The following NUP210L variants were observed in gnomAD, a reference collection of about 807,000 sequenced individuals.
NUP210L encodes nucleoporin 210 like.
In NUP210L, 74 loss-of-function variants were observed where a neutral mutation model predicts 208.5. That is an observed-to-expected ratio of 0.35 (90% CI 0.29 to 0.43). The LOEUF (loss-of-function observed/expected upper bound fraction) is 0.43. Among genes scored for constraint, NUP210L ranks in the 20% least tolerant of loss-of-function variants. The probability of loss-of-function intolerance (pLI) is 1.00; values close to 1 mark genes in which losing one functional copy is unlikely to be tolerated. For missense variants in NUP210L, 1,843 were observed against 2,289.4 expected, an observed-to-expected ratio of 0.81 and a Z score of 3.98; for synonymous variants, 780 against 816.9, an observed-to-expected ratio of 0.95 and a Z score of 0.77.
chr1:154,139,811 T>C, exon 5 of NUP210L: 1 of 1,612,590 alleles, frequency 6.2e-7, no homozygotes, highest in Non-Finnish European at 8.5e-7. Flanking sequence ...CCTTATAGAA[T>C]GGTTCATGAA....
At chr1:154,111,043 A>C (rs1228701459) in intron 12 of NUP210L, among the ~76,000 whole-genome samples, 2 of 151,084 alleles carry the variant, frequency 1.3e-5, no homozygotes, top group Non-Finnish European at 1.5e-5. Flanking sequence ...ACAAACCTTT[A>C]GCCAGACTAA....
intron 37 of NUP210L, chr1:153,995,786 G>A: frequency 1.5e-6 from 1 of 658,470 alleles, no homozygotes; most frequent in Non-Finnish European, 2.8e-6. Context: ...TGCCCAGGCA[G>A]ACTTCAAGGG....
At chr1:154,112,259 G>T (rs943810873) in intron 12 of NUP210L, among the ~76,000 whole-genome samples, 2 of 151,992 alleles carry the variant, frequency 1.3e-5, no homozygotes, top group Non-Finnish European at 2.9e-5. Flanking sequence ...AATCATTAAT[G>T]GCCAGACAGA....
rs1028953644 is a variant in NUP210L, at chr1:153,995,004, T to G, written c.5491+72A>C. ...TCCAGCGTGGGCGACAGACTTAAACTCCATCTCAAAAAAAAAAAAAAAAAG... is the reference window on the plus strand; with the variant it reads ...TCCAGCGTGGGCGACAGACTTAAACGCCATCTCAAAAAAAAAAAAAAAAAG... On this transcript the variant is annotated intron_variant, in intron 38 of 39. Coordinates refer to ENST00000368559, the Ensembl canonical transcript of NUP210L. The G allele has an allele frequency of 3.1e-6, 3 of 963,270 alleles. No individual in the cohort carries two copies. In the Admixed American group the frequency reaches 7.2e-5, roughly 23 times the overall value. 59.7% of individuals were successfully genotyped at this position (963,270 alleles called of 1,614,324 possible). A position where few individuals can be genotyped will look rare whatever the true frequency, so the allele number is the denominator to read the frequency against.
chr1:154,127,119 A>T (rs1443442319), intron 9 of NUP210L, among the ~76,000 whole-genome samples, 192 bp downstream of exon 9: 3 of 151,878 alleles, frequency 2.0e-5, no homozygotes, highest in Admixed American at 6.6e-5. Context: ...AAAAAAAAAA[A>T]AAAAAGAAGA....
At chr1:154,023,503 A>C (rs1271740272) in intron 30 of NUP210L, among the ~76,000 whole-genome samples, 1 of 152,052 alleles carries the variant, frequency 6.6e-6, no homozygotes. Context: ...TTTGAGACAG[A>C]ATCTCACTCT....
At chr1:154,027,036 T>C (rs937236546) in intron 29 of NUP210L, among the ~76,000 whole-genome samples, 7 of 140,352 alleles carry the variant, frequency 5.0e-5, no homozygotes, top group African/African-American at 1.9e-4. Context: ...TGAGCTGAGA[T>C]TGTGCCACTG....
intron 5 of NUP210L, among the ~76,000 whole-genome samples, chr1:154,139,333 T>G (rs1345307595): frequency 2.6e-5 from 4 of 152,160 alleles, no homozygotes; most frequent in African/African-American, 4.8e-5. Context: ...AGTTATATAT[T>G]TTAAGAGAAA....
chr1:154,114,009 A>G lies in NUP210L; in HGVS notation c.1620+3716T>C, dbSNP rs930591749. 8.0e-5 allele frequency among the ~76,000 whole-genome samples: 12 copies of G among 150,704 alleles called. No individual in the cohort carries two copies. In the East Asian group the frequency reaches 9.8e-4, roughly 12 times the overall value. ...AATACAAAAATTAGCTGGGCGTGGT[A>G]GTGGGCGCCTGTAATCCCAGCTACT... On this transcript the variant is annotated intron_variant, in intron 12 of 39. Coordinates refer to ENST00000368559, the Ensembl canonical transcript of NUP210L.
chr1:153,997,264 T>C (rs1226332769), intron 37 of NUP210L, among the ~76,000 whole-genome samples: 2 of 77,106 alleles, frequency 2.6e-5, no homozygotes, highest in African/African-American at 3.5e-5. Context: ...GCGCTGGCCT[T>C]TTTTTTTTTT....
At chr1:154,066,044 G>A (rs1053155205) in intron 17 of NUP210L, among the ~76,000 whole-genome samples, 1 of 152,036 alleles carries the variant, frequency 6.6e-6, no homozygotes, top group Non-Finnish European at 1.5e-5. Flanking sequence ...ACAACGAAAT[G>A]AAGGCAGAAA....
intron 5 of NUP210L, among the ~76,000 whole-genome samples, chr1:154,139,173 CA>C (rs1658702219): frequency 6.6e-6 from 1 of 151,970 alleles, no homozygotes; most frequent in Admixed American, 6.6e-5. Flanking sequence ...GAGGCTGAGG[CA>C]CAAGAATCAC....
At chr1:154,078,303 C>CA (rs377457949) in intron 16 of NUP210L, among the ~76,000 whole-genome samples, 3,628 of 147,550 alleles carry the variant, frequency 0.025, 162 homozygotes, top group African/African-American at 0.085. Context: ...ATCCTATCTC[C>CA]AAAAAAAAAG....
intron 10 of NUP210L, among the ~76,000 whole-genome samples, chr1:154,121,643 G>C (rs1031873558): frequency 2.6e-5 from 4 of 152,166 alleles, no homozygotes; most frequent in Non-Finnish European, 5.9e-5. Context: ...AAGGCGGGTG[G>C]ATCACCTGAG....
intron 35 of NUP210L, among the ~76,000 whole-genome samples, chr1:154,004,320 C>T (rs1473370624): frequency 6.6e-6 from 1 of 152,022 alleles, no homozygotes; most frequent in African/African-American, 2.4e-5. Flanking sequence ...CCACCTGCCT[C>T]AGCCTCTCAA....
Position 154,027,849 on chromosome 1 carries a change from G to T in NUP210L, c.3856-252C>A, listed in dbSNP as rs80160695. On this transcript the variant is annotated intron_variant, in intron 28 of 39. Coordinates refer to ENST00000368559, the Ensembl canonical transcript of NUP210L. ...GTTAGCCCTGTTTCTGACTCTGAGG[G>T]ACTCAGCATGTAGCAAAGTTTACAC... Among the ~76,000 whole-genome samples, 1,222 of 152,166 alleles carry T rather than the reference G, an allele frequency of 8.0e-3. 7 individuals carry two copies. The highest frequency in any genetic ancestry group is 0.012 in the Non-Finnish European group (837 of 68,008).
At chr1:154,132,370 G>A (rs928102538) in intron 7 of NUP210L, among the ~76,000 whole-genome samples, 2 of 151,848 alleles carry the variant, frequency 1.3e-5, no homozygotes, top group African/African-American at 4.8e-5. Context: ...TTTCTCCTCC[G>A]GAGGCATAAT....
chr1:154,073,609 G>A (rs1296400777), intron 16 of NUP210L, among the ~76,000 whole-genome samples: 1 of 151,870 alleles, frequency 6.6e-6, no homozygotes, highest in African/African-American at 2.4e-5. Flanking sequence ...GAGGTCAGGA[G>A]TTCGAGACCA....
chr1:154,125,472 A>G (rs1391189611), intron 10 of NUP210L, among the ~76,000 whole-genome samples: 1 of 150,334 alleles, frequency 6.7e-6, no homozygotes, highest in Non-Finnish European at 1.5e-5. Flanking sequence ...AAAAACAAAA[A>G]TTAGCCAGGT....
Sources: gnomAD v4.1 joint callset for allele counts (sites outside exome capture counted in the v4.1 genomes callset) on GRCh38, gnomAD v4.1.1 for gene constraint, MANE v1.5 for transcripts, NCBI Gene and HGNC (gene_info 2026-07-23, HGNC 2026-07-21) for gene names.